UGT1A10: variants seen among roughly 807,000 people sequenced by gnomAD.
The protein encoded by UGT1A10 is UDP-glucuronosyltransferase 1A10.
Under a neutral mutation model 45.8 loss-of-function variants are expected in UGT1A10, and 49 were observed. The ratio of observed to expected loss-of-function variants is 1.07; its 90% CI spans 0.85 to 1.36. The LOEUF is 1.36. Ranked by LOEUF, UGT1A10 falls within the 40% of genes most tolerant of loss-of-function variation. The probability of loss-of-function intolerance (pLI) is 0.00; values close to 1 mark genes in which losing one functional copy is unlikely to be tolerated. For missense variants in UGT1A10, 745 were observed against 668.6 expected, an observed-to-expected ratio of 1.11 and a Z score of -1.26; for synonymous variants, 284 against 249.7, an observed-to-expected ratio of 1.14 and a Z score of -1.29.
At position 233,700,243 on chromosome 2, in the gene UGT1A10, C is replaced by T. The variant is rs28898585; in HGVS notation, c.855+62866C>T. ...CTAGGCAACTCAGTAGAACAAAAGC[C>T]CCAAAATGCCAAGTCATTCTTAATA... On this transcript the variant is annotated intron_variant, in intron 1 of 4. Transcript: ENST00000344644. Among the ~76,000 whole-genome samples the T allele has an allele frequency of 7.4e-3, 1,126 of 152,274 alleles. 17 individuals carry two copies. Among genetic ancestry groups the T allele is most frequent in the African/African-American group, 0.025 (1,040 of 41,540 alleles).
chr2:233,694,980 T>C (rs1559347532), intron 1 of UGT1A10, among the ~76,000 whole-genome samples: 1 of 152,352 alleles, frequency 6.6e-6, no homozygotes, highest in South Asian at 2.1e-4. Flanking sequence ...CTTCCTTATG[T>C]TGGGAACATT....
chr2:233,681,409 C>G (rs1269380045), intron 1 of UGT1A10, among the ~76,000 whole-genome samples: 2 of 151,624 alleles, frequency 1.3e-5, no homozygotes, highest in African/African-American at 4.8e-5. Context: ...CAGCGTGCGC[C>G]TGTAATCCCA....
chr2:233,669,119 T>G (rs2074132416), intron 1 of UGT1A10, among the ~76,000 whole-genome samples: 1 of 152,248 alleles, frequency 6.6e-6, no homozygotes, highest in African/African-American at 2.4e-5. Flanking sequence ...CAGAATTGCC[T>G]GTGCACCTTT....
chr2:233,767,017 T>G lies in UGT1A10; in HGVS notation c.856-17T>G, dbSNP rs779272297. On this transcript the variant is annotated splice_polypyrimidine_tract_variant and intron_variant, in intron 1 of 4. Transcript: ENST00000344644. Reference sequence around the variant, plus strand: ...ATATGAGAAAAAATTAACTGAAAATTTTTCTTCTGGCTCTAGGAATTTGAA... The same window carrying G: ...ATATGAGAAAAAATTAACTGAAAATGTTTCTTCTGGCTCTAGGAATTTGAA... The G allele has an allele frequency of 6.2e-7, 1 of 1,613,758 alleles. No individual in the cohort carries two copies. The highest frequency in any genetic ancestry group is 8.5e-7 in the Non-Finnish European group (1 of 1,179,982).
At chr2:233,682,444 C>T (rs770529421) in intron 1 of UGT1A10, 4 of 1,613,736 alleles carry the variant, frequency 2.5e-6, no homozygotes, top group Non-Finnish European at 3.4e-6. Flanking sequence ...TGGTCTTCGC[C>T]AGGGGAATAT....
At chr2:233,722,896 G>A (rs1455405356) in intron 1 of UGT1A10, among the ~76,000 whole-genome samples, 3 of 126,364 alleles carry the variant, frequency 2.4e-5, no homozygotes, top group Admixed American at 8.2e-5. Flanking sequence ...TTAAGTGGAA[G>A]TGGATCATCA....
chr2:233,682,791 T>C lies in UGT1A10; in HGVS notation c.855+45414T>C, dbSNP rs147013594. ...TGTCATCAGGGAAAGCCAGTGCCTA[T>C]GGTAAGTTATCTCCCCTTTAGCACA... On this transcript the variant is annotated intron_variant, in intron 1 of 4. Transcript: ENST00000344644. The C allele has an allele frequency of 5.0e-6, 8 of 1,611,538 alleles. No homozygotes were observed. The African/African-American group carries it at 1.1e-4, about 22-fold the overall frequency.
intron 1 of UGT1A10, chr2:233,747,921 G>T: frequency 6.2e-7 from 1 of 1,613,394 alleles, no homozygotes; most frequent in Non-Finnish European, 8.5e-7. Context: ...CCTTGCCTCT[G>T]AGCTTTTTCA....
At chr2:233,683,478 T>G (rs1291530429) in intron 1 of UGT1A10, among the ~76,000 whole-genome samples, 1 of 152,124 alleles carries the variant, frequency 6.6e-6, no homozygotes, top group Non-Finnish European at 1.5e-5. Context: ...TATTTTCATA[T>G]TTTTGCTTTT....
chr2:233,747,375 G>A, intron 1 of UGT1A10: 1 of 1,604,748 alleles, frequency 6.2e-7, no homozygotes, highest in Non-Finnish European at 8.5e-7. Flanking sequence ...CCATGCCAGA[G>A]GCCACCAGGC....
chr2:233,700,061 G>T (rs2075540552), intron 1 of UGT1A10, among the ~76,000 whole-genome samples: 1 of 152,200 alleles, frequency 6.6e-6, no homozygotes, highest in South Asian at 2.1e-4. Context: ...TGAATCCAGT[G>T]GTGTCTACCC....
intron 1 of UGT1A10, chr2:233,755,932 G>T (rs1268785135): frequency 7.6e-6 from 1 of 131,750 alleles, no homozygotes; most frequent in African/African-American, 3.0e-5. Context: ...TCGTTTTACA[G>T]TTTTTGCATC....
In UGT1A10 at chr2:233,636,922, G is replaced by C; in HGVS notation, c.400G>C (p.Val134Leu). 6.2e-7 allele frequency: 1 copy of C among 1,614,152 alleles called. No homozygotes were observed. The highest frequency in any genetic ancestry group is 1.7e-5 in the Admixed American group (1 of 60,016). Residue 134 changes from valine to leucine, a missense_variant, in exon 1 of 5, where the codon GTA becomes CTA. By Grantham distance (32) the Val-to-Leu change is conservative (BLOSUM62 1). Coordinates refer to ENST00000344644, the MANE Select transcript of UGT1A10 (RefSeq NM_019075.4). ...CRSLFNDRKL[V>L]EYLKESSFDA... ...GAGTTTGTTTAATGACCGAAAATTAGTAGAATACTTAAAGGAGAGTTCTTT... is the reference window on the plus strand; with the variant it reads ...GAGTTTGTTTAATGACCGAAAATTACTAGAATACTTAAAGGAGAGTTCTTT...
intron 1 of UGT1A10, among the ~76,000 whole-genome samples, chr2:233,681,403 G>A (rs1040093836): frequency 1.1e-4 from 16 of 151,602 alleles, no homozygotes; most frequent in Non-Finnish European, 1.8e-4. Flanking sequence ...GCATGGCAGC[G>A]TGCGCCTGTA....
Position 233,747,172 on chromosome 2 carries a change from C to A in UGT1A10, c.856-19862C>A. 9 of 1,596,738 alleles carry A rather than the reference C, an allele frequency of 5.6e-6. No homozygotes were observed. The South Asian group carries it at 1.0e-4, about 18-fold the overall frequency. On this transcript the variant is annotated intron_variant, in intron 1 of 4. Transcript: ENST00000344644. Reference sequence around the variant, plus strand: ...ATGAAGAAAACAAATGTAGGAGGCACAGCGTGGGGTGGACAGTCAGCTGTC... The same window carrying A: ...ATGAAGAAAACAAATGTAGGAGGCAAAGCGTGGGGTGGACAGTCAGCTGTC...
chr2:233,638,598 A>C (rs1346811600), intron 1 of UGT1A10, among the ~76,000 whole-genome samples: 1 of 152,164 alleles, frequency 6.6e-6, no homozygotes, highest in Non-Finnish European at 1.5e-5. Context: ...ATACCAGAAT[A>C]AGATTCTTGG....
rs186005376 is a variant in UGT1A10 at position 233,690,812 on chromosome 2, C to T, written c.855+53435C>T. On this transcript the variant is annotated intron_variant, in intron 1 of 4. Coordinates refer to ENST00000344644, the MANE Select transcript of UGT1A10 (RefSeq NM_019075.4). Reference sequence around the variant, plus strand: ...ACACACACACACACCATTCTTAGTACAGTCAAAGCTCACAGGAGAAAGAAA... The same window carrying T: ...ACACACACACACACCATTCTTAGTATAGTCAAAGCTCACAGGAGAAAGAAA... 17 of 1,087,624 alleles carry T rather than the reference C, an allele frequency of 1.6e-5. No homozygotes were observed. The East Asian group carries it at 7.8e-4, about 50-fold the overall frequency. 67.4% of individuals were successfully genotyped at this position (1,087,624 alleles called of 1,614,324 possible). A position where few individuals can be genotyped will look rare whatever the true frequency, so the allele number is the denominator to read the frequency against.
chr2:233,647,098 T>C (rs1439968510), intron 1 of UGT1A10, among the ~76,000 whole-genome samples: 1 of 152,136 alleles, frequency 6.6e-6, no homozygotes, highest in Non-Finnish European at 1.5e-5. Flanking sequence ...GCAGGAAAAC[T>C]TCCATTTTTA....
At chr2:233,719,438 A>G in intron 1 of UGT1A10, 1 of 1,613,920 alleles carries the variant, frequency 6.2e-7, no homozygotes, top group Non-Finnish European at 8.5e-7. Context: ...ACCACATGAC[A>G]TTCCTGCAAA....
Sources: allele counts gnomAD v4.1 joint callset (sites outside exome capture counted in the v4.1 genomes callset), GRCh38; gene constraint gnomAD v4.1.1; transcripts MANE v1.5; gene names NCBI Gene and HGNC (gene_info 2026-07-23, HGNC 2026-07-21).